The following CCDC102B variants were observed in gnomAD, a reference collection of about 807,000 sequenced individuals.
CCDC102B encodes coiled-coil domain-containing protein 102B.
A neutral mutation model predicts 57.4 loss-of-function variants in CCDC102B; 75 were observed. The observed-to-expected ratio is 1.31, with a 90% CI of 1.08 to 1.58. The LOEUF is 1.58. Ranked by LOEUF, CCDC102B falls within the 40% of genes most tolerant of loss-of-function variation. The pLI, the probability that CCDC102B is intolerant of heterozygous loss-of-function variation, is 0.00. For synonymous variants in CCDC102B, 206 were observed against 201.9 expected, an observed-to-expected ratio of 1.02 and a Z score of -0.17; for missense variants, 636 against 582.6, an observed-to-expected ratio of 1.09 and a Z score of -0.94.
chr18:68,918,950 C>T (rs553027058), intron 6 of CCDC102B, among the ~76,000 whole-genome samples: 14 of 151,986 alleles, frequency 9.2e-5, no homozygotes, highest in African/African-American at 3.4e-4. Flanking sequence ...TTTTAGCTAT[C>T]GAATATGTAT....
chr18:68,723,697 C>T (rs960522714), intron 2 of CCDC102B, among the ~76,000 whole-genome samples: 2 of 152,222 alleles, frequency 1.3e-5, no homozygotes, highest in African/African-American at 4.8e-5. Context: ...TTGGACAGCT[C>T]CACTCCTGTG....
chr18:68,832,180 A>G (rs1444298118), intron 1 of CCDC102B, among the ~76,000 whole-genome samples: 2 of 152,200 alleles, frequency 1.3e-5, no homozygotes, highest in Admixed American at 1.3e-4. Context: ...CAATAAGACA[A>G]AAATCTTTTT....
intron 2 of CCDC102B, among the ~76,000 whole-genome samples, chr18:68,770,537 T>G (rs1345402978): frequency 6.6e-6 from 1 of 152,134 alleles, no homozygotes; most frequent in Non-Finnish European, 1.5e-5. Flanking sequence ...AGGTTGTGGA[T>G]GCATCCTCCT....
chr18:68,874,947 G>A, intron 5 of CCDC102B, 162 bp downstream of exon 5: 1 of 493,768 alleles, frequency 2.0e-6, no homozygotes, highest in Non-Finnish European at 3.7e-6. Context: ...AAAGGCTGTG[G>A]AATGACATTG....
intron 2 of CCDC102B, among the ~76,000 whole-genome samples, chr18:68,776,468 G>A (rs1025438027): frequency 1.3e-5 from 2 of 152,078 alleles, no homozygotes; most frequent in South Asian, 2.1e-4. Context: ...TATACACCAC[G>A]GAATACCATG....
At chr18:68,996,725 A>G (rs1413210109) in intron 6 of CCDC102B, among the ~76,000 whole-genome samples, 2 of 152,204 alleles carry the variant, frequency 1.3e-5, no homozygotes, top group African/African-American at 2.4e-5. Context: ...GCTCATAGGC[A>G]GAAATGACTT....
At chr18:68,975,096 G>A (rs960535002) in intron 6 of CCDC102B, among the ~76,000 whole-genome samples, 2 of 151,908 alleles carry the variant, frequency 1.3e-5, no homozygotes, top group East Asian at 1.9e-4. Context: ...ACCTGCCCAC[G>A]TGGAAAAATT....
At chr18:68,790,395 A>T (rs2035401758) in intron 2 of CCDC102B, among the ~76,000 whole-genome samples, 1 of 151,984 alleles carries the variant, frequency 6.6e-6, no homozygotes, top group Non-Finnish European at 1.5e-5. Flanking sequence ...TTACCTAAGC[A>T]AGCCTGGGCA....
chr18:68,997,949 A>G (rs2051077229), intron 6 of CCDC102B, among the ~76,000 whole-genome samples: 1 of 151,806 alleles, frequency 6.6e-6, no homozygotes, highest in East Asian at 1.9e-4. Flanking sequence ...TTGAATCATT[A>G]CTTCTTAGGA....
intron 4 of CCDC102B, among the ~76,000 whole-genome samples, chr18:68,848,862 C>G (rs572215925): frequency 6.6e-6 from 1 of 152,146 alleles, no homozygotes; most frequent in East Asian, 1.9e-4. Flanking sequence ...GGAAGAGATT[C>G]TTTGCCACAT....
At chr18:68,879,234 G>C (rs140883280) in intron 5 of CCDC102B, among the ~76,000 whole-genome samples, 1 of 151,924 alleles carries the variant, frequency 6.6e-6, no homozygotes, top group African/African-American at 2.4e-5. Flanking sequence ...TCTTGGTCTC[G>C]CTGGCTTCAG....
chr18:68,841,653 T>A (rs2037635561), intron 3 of CCDC102B, among the ~76,000 whole-genome samples: 1 of 152,158 alleles, frequency 6.6e-6, no homozygotes. Flanking sequence ...GAGACCTCCT[T>A]TATCACTTGT....
At chr18:68,996,712 C>T (rs1355440772) in intron 6 of CCDC102B, among the ~76,000 whole-genome samples, 3 of 152,146 alleles carry the variant, frequency 2.0e-5, no homozygotes, top group Admixed American at 6.5e-5. Flanking sequence ...TTTGATTTTG[C>T]AGGCTCATAG....
chr18:68,836,085 A>G (rs987630354), intron 1 of CCDC102B, among the ~76,000 whole-genome samples: 2 of 152,180 alleles, frequency 1.3e-5, no homozygotes, highest in Admixed American at 6.6e-5. Flanking sequence ...AAAGAAAACC[A>G]TTATGTAGTT....
chr18:68,967,138 A>C (rs1029216625), intron 6 of CCDC102B, among the ~76,000 whole-genome samples: 4 of 149,980 alleles, frequency 2.7e-5, no homozygotes, highest in Non-Finnish European at 5.9e-5. Flanking sequence ...ACAATAGTGA[A>C]AGCTAGTCGT....
intron 2 of CCDC102B, among the ~76,000 whole-genome samples, chr18:68,724,974 C>G (rs1309430716): frequency 6.6e-6 from 1 of 152,182 alleles, no homozygotes; most frequent in Non-Finnish European, 1.5e-5. Flanking sequence ...TTAATTGACT[C>G]ACAATTCTGC....
At chr18:69,027,673 T>A (rs1468757613) in intron 7 of CCDC102B, among the ~76,000 whole-genome samples, 2 of 152,194 alleles carry the variant, frequency 1.3e-5, no homozygotes, top group African/African-American at 4.8e-5. Flanking sequence ...ATCCTTTTTT[T>A]TTTTTAAAGT....
intron 2 of CCDC102B, among the ~76,000 whole-genome samples, chr18:68,790,553 C>G (rs12606134): frequency 0.056 from 8,568 of 152,210 alleles, 438 homozygotes; most frequent in African/African-American, 0.13. Flanking sequence ...TCAAGCCCGT[C>G]GGAAAAGTGC....
At chr18:68,731,734 A>G (rs951928220) in intron 2 of CCDC102B, among the ~76,000 whole-genome samples, 1 of 149,770 alleles carries the variant, frequency 6.7e-6, no homozygotes, top group Non-Finnish European at 1.5e-5. Context: ...ATGATCTCCT[A>G]TACAATAATG....
Sources: allele counts gnomAD v4.1 joint callset (sites outside exome capture counted in the v4.1 genomes callset), GRCh38; gene constraint gnomAD v4.1.1; transcripts MANE v1.5; gene names NCBI Gene and HGNC (gene_info 2026-07-23, HGNC 2026-07-21).